The following FLI1 variants were observed in gnomAD, a reference collection of about 807,000 sequenced individuals.
FLI1 encodes the protein Friend leukemia integration 1 transcription factor.
FLI1 carries 13 observed loss-of-function variants against 53.1 expected under a neutral mutation model. The observed-to-expected ratio is 0.24, with a 90% CI of 0.16 to 0.39. FLI1 has a LOEUF of 0.39. Ranked by LOEUF, FLI1 falls within the 10% of genes least tolerant of loss-of-function variation. FLI1 has a pLI of 1.00. For synonymous variants in FLI1, 244 were observed against 236.7 expected (o/e 1.03, Z -0.28); for missense variants, 424 against 600.5 (o/e 0.71, Z 3.07).
intron 1 of FLI1, among the ~76,000 whole-genome samples, chr11:128,722,858 C>G (rs1017210351): frequency 2.6e-5 from 4 of 152,154 alleles, no homozygotes; most frequent in African/African-American, 9.7e-5. Context: ...AGAATCCAAA[C>G]AATCGGGAGG....
intron 2 of FLI1, among the ~76,000 whole-genome samples, chr11:128,760,957 T>C (rs898695515): frequency 3.9e-5 from 6 of 152,208 alleles, no homozygotes; most frequent in Non-Finnish European, 8.8e-5. Flanking sequence ...CACTTCCTCC[T>C]GCCTTCCTGA....
intron 1 of FLI1, among the ~76,000 whole-genome samples, chr11:128,704,282 T>C (rs939570956): frequency 1.3e-5 from 2 of 151,478 alleles, no homozygotes; most frequent in East Asian, 3.9e-4. Context: ...CATTTTGTAC[T>C]GTGGAGTGAC....
At chr11:128,752,344 C>G (rs1349086624) in intron 1 of FLI1, among the ~76,000 whole-genome samples, 1 of 152,174 alleles carries the variant, frequency 6.6e-6, no homozygotes. Context: ...CTCATATTAT[C>G]TCATTTTATC....
At chr11:128,750,690 C>A (rs775973988) in intron 1 of FLI1, among the ~76,000 whole-genome samples, 2 of 152,166 alleles carry the variant, frequency 1.3e-5, no homozygotes. Context: ...GGCCACTGTG[C>A]GGCCATGCTC....
chr11:128,731,300 A>C (rs191936138), intron 1 of FLI1, among the ~76,000 whole-genome samples: 1,977 of 144,612 alleles, frequency 0.014, 20 homozygotes, highest in Non-Finnish European at 0.021. Context: ...TAGGACCTAA[A>C]TGTGGGGGGG....
chr11:128,753,139 C>G (rs542146464), intron 1 of FLI1, among the ~76,000 whole-genome samples: 1 of 152,300 alleles, frequency 6.6e-6, no homozygotes, highest in East Asian at 1.9e-4. Flanking sequence ...CTCAGTGGCT[C>G]TGGACCCACA....
At position 128,758,159 on chromosome 11, in the gene FLI1, A is replaced by C. The variant is rs1455202083; in HGVS notation, c.63A>C (p.Ser21=). 2 of 1,613,378 alleles carry C rather than the reference A, an allele frequency of 1.2e-6. No individual in the cohort carries two copies. The highest frequency in any genetic ancestry group is 2.7e-5 in the African/African-American group (2 of 74,888). ...VVSDDQSLFD[S]AYGAAAHLPK... is the part of the protein sequence containing the mutation. ...GCGACGACCAGTCCCTCTTTGACTC[A>C]GCGTACGGAGCGGCAGCCCATCTCC... is the stretch of plus-strand genomic sequence containing the variant. The change falls in exon 2 of 9, where the codon TCA becomes TCC. Residue 21 remains serine, a synonymous_variant. Transcript: ENST00000527786.
intron 4 of FLI1, among the ~76,000 whole-genome samples, chr11:128,778,920 G>A (rs749544988): frequency 1.3e-5 from 2 of 152,104 alleles, no homozygotes; most frequent in African/African-American, 2.4e-5. Flanking sequence ...AGAAATCGGA[G>A]AAGAGGAGGG....
chr11:128,746,986 C>T (rs1425771274), intron 1 of FLI1, among the ~76,000 whole-genome samples: 1 of 152,198 alleles, frequency 6.6e-6, no homozygotes, highest in African/African-American at 2.4e-5. Flanking sequence ...CCTTTTGACC[C>T]CATCTGCAGC....
intron 4 of FLI1, among the ~76,000 whole-genome samples, chr11:128,781,452 C>T (rs540131838): frequency 1.3e-5 from 2 of 152,338 alleles, no homozygotes; most frequent in African/African-American, 2.4e-5. Context: ...GACTGTGCAA[C>T]AGAGATTGTA....
At chr11:128,690,389 C>CG (rs1285344993), upstream of FLI1, among the ~76,000 whole-genome samples, 1 of 152,106 alleles carries the variant, frequency 6.6e-6, no homozygotes, top group East Asian at 1.9e-4. Context: ...TTTCAAGTGA[C>CG]GGAGCCACCC....
At chr11:128,694,071 T>C (rs1430665849), upstream of FLI1, 8 of 467,280 alleles carry the variant, frequency 1.7e-5, no homozygotes, top group South Asian at 3.6e-4. Flanking sequence ...CGGTTAACTG[T>C]CTCTTTCGCT....
rs1040803528 is a variant in FLI1 at position 128,764,992 on chromosome 11, C to T, written c.231-3126C>T. On this transcript the variant is annotated intron_variant, in intron 2 of 8. Transcript: ENST00000527786. ...ATTTTCCAGAGGAGAAACACCCTGGCGGGCGAGCGGCCAAACCGATCACCT... is the reference window on the plus strand; with the variant it reads ...ATTTTCCAGAGGAGAAACACCCTGGTGGGCGAGCGGCCAAACCGATCACCT... 2.6e-4 allele frequency among the ~76,000 whole-genome samples: 39 copies of T among 149,612 alleles called. No individual in the cohort carries two copies. The highest frequency in any genetic ancestry group is 1.7e-4 in the African/African-American group (7 of 40,684).
chr11:128,806,819 A>T (rs1361742044), intron 6 of FLI1: 1 of 168,244 alleles, frequency 5.9e-6, no homozygotes, highest in African/African-American at 2.4e-5. Flanking sequence ...TGAAAATGAA[A>T]TCCACAGCCT....
intron 4 of FLI1, among the ~76,000 whole-genome samples, chr11:128,777,208 G>A (rs1941757520): frequency 6.6e-6 from 1 of 152,226 alleles, no homozygotes; most frequent in African/African-American, 2.4e-5. Context: ...TTCAGGCTCA[G>A]GGCCGCTGGG....
chr11:128,700,979 C>T (rs1185192575), intron 1 of FLI1, among the ~76,000 whole-genome samples: 1 of 152,166 alleles, frequency 6.6e-6, no homozygotes, highest in Non-Finnish European at 1.5e-5. Context: ...GAAACAAATC[C>T]TTCGTACTCT....
At chr11:128,754,850 C>T (rs945869163) in intron 1 of FLI1, among the ~76,000 whole-genome samples, 4 of 152,238 alleles carry the variant, frequency 2.6e-5, no homozygotes, top group African/African-American at 9.6e-5. Flanking sequence ...TGAACCGGGA[C>T]GCTCTCCTCC....
intron 2 of FLI1, among the ~76,000 whole-genome samples, chr11:128,763,386 G>T (rs558105576): frequency 3.9e-5 from 6 of 152,166 alleles, no homozygotes; most frequent in African/African-American, 7.2e-5. Context: ...GTTCTGTGTC[G>T]CATGTAGACT....
At chr11:128,701,424 A>G (rs543915266) in intron 1 of FLI1, among the ~76,000 whole-genome samples, 2 of 152,330 alleles carry the variant, frequency 1.3e-5, no homozygotes, top group Non-Finnish European at 2.9e-5. Context: ...CGCTGGTCTC[A>G]GTTAGGAATA....
Sources: gnomAD v4.1 joint callset for allele counts (sites outside exome capture counted in the v4.1 genomes callset) on GRCh38, gnomAD v4.1.1 for gene constraint, MANE v1.5 for transcripts, NCBI Gene and HGNC (gene_info 2026-07-23, HGNC 2026-07-21) for gene names.